The following SOX6 variants were observed in gnomAD, a reference collection of about 807,000 sequenced individuals.
SOX6 encodes SRY-box transcription factor 6.
A neutral mutation model predicts 97.8 loss-of-function variants in SOX6; 11 were observed. The ratio of observed to expected loss-of-function variants is 0.11; its 90% confidence interval spans 0.07 to 0.19. The LOEUF (loss-of-function observed/expected upper bound fraction) is 0.19, where lower values mean the gene tolerates loss of function less well. Among genes scored for constraint, SOX6 ranks in the 10% least tolerant of loss-of-function variants. The pLI, the probability that SOX6 is intolerant of heterozygous loss-of-function variation, is 1.00. For missense variants in SOX6, 810 were observed against 1,039.5 expected, an observed-to-expected ratio of 0.78 and a Z score of 3.04; for synonymous variants, 360 against 371.4, an observed-to-expected ratio of 0.97 and a Z score of 0.35.
intron 3 of SOX6, among the ~76,000 whole-genome samples, chr11:16,634,923 C>T (rs924708816): frequency 1.3e-5 from 2 of 152,042 alleles, no homozygotes; most frequent in Non-Finnish European, 2.9e-5. Flanking sequence ...AGGGTTTTTT[C>T]CCACCCTTCA....
chr11:16,622,396 G>A (rs1383424588), intron 3 of SOX6, among the ~76,000 whole-genome samples: 3 of 152,280 alleles, frequency 2.0e-5, no homozygotes, highest in South Asian at 2.1e-4. Context: ...TGTACCCAAT[G>A]TGTAGTCTTT....
chr11:16,089,689 T>C (rs759241271), intron 9 of SOX6, among the ~76,000 whole-genome samples: 29 of 152,112 alleles, frequency 1.9e-4, no homozygotes, highest in Non-Finnish European at 3.7e-4. Context: ...GTAATAGCTA[T>C]GTGCCAGCTC....
At chr11:16,042,360 T>C (rs1205847489) in intron 12 of SOX6, among the ~76,000 whole-genome samples, 1 of 152,128 alleles carries the variant, frequency 6.6e-6, no homozygotes, top group African/African-American at 2.4e-5. Context: ...ACGGACACCA[T>C]GGCAGGAAAG....
chr11:15,983,271 T>C (rs1396013698), intron 15 of SOX6, among the ~76,000 whole-genome samples: 2 of 152,110 alleles, frequency 1.3e-5, no homozygotes, highest in Non-Finnish European at 2.9e-5. Context: ...TTCTGATACT[T>C]ACTCTGCGAA....
At chr11:16,406,142 C>T (rs944398253) in intron 1 of SOX6, among the ~76,000 whole-genome samples, 2 of 152,046 alleles carry the variant, frequency 1.3e-5, no homozygotes, top group African/African-American at 4.8e-5. Context: ...ACATAATCCA[C>T]TTTAAGTCTC....
At chr11:16,255,609 T>C (rs1198029989) in intron 3 of SOX6, among the ~76,000 whole-genome samples, 2 of 152,000 alleles carry the variant, frequency 1.3e-5, no homozygotes, top group Admixed American at 6.6e-5. Context: ...AAAGCAGTGC[T>C]GAGAGGGAAG....
intron 5 of SOX6, among the ~76,000 whole-genome samples, chr11:16,184,222 A>T: frequency 6.6e-6 from 1 of 152,192 alleles, no homozygotes; most frequent in East Asian, 1.9e-4. Flanking sequence ...GCTGGAAATC[A>T]TGGGATTTTA....
intron 3 of SOX6, among the ~76,000 whole-genome samples, chr11:16,675,577 T>C (rs1847878516): frequency 6.6e-6 from 1 of 152,252 alleles, no homozygotes; most frequent in African/African-American, 2.4e-5. Context: ...GGGTTCAAGT[T>C]ATTGTCTAAT....
chr11:16,420,743 T>C (rs1397512431), intron 1 of SOX6, among the ~76,000 whole-genome samples: 3 of 152,184 alleles, frequency 2.0e-5, no homozygotes, highest in Admixed American at 6.5e-5. Flanking sequence ...ATGAGAAAAG[T>C]CTATTGCTTA....
At chr11:16,284,545 T>C (rs977868996) in intron 3 of SOX6, among the ~76,000 whole-genome samples, 4 of 152,142 alleles carry the variant, frequency 2.6e-5, no homozygotes, top group Non-Finnish European at 1.5e-5. Context: ...CCAACAGATA[T>C]TTATTGATCG....
intron 1 of SOX6, among the ~76,000 whole-genome samples, chr11:16,376,424 A>G (rs1857643874): frequency 6.6e-6 from 1 of 152,108 alleles, no homozygotes; most frequent in African/African-American, 2.4e-5. Context: ...TGATCCTAGA[A>G]TTAGAAAATG....
chr11:16,430,668 G>C (rs1859255735), intron 1 of SOX6, among the ~76,000 whole-genome samples: 1 of 152,086 alleles, frequency 6.6e-6, no homozygotes, highest in Non-Finnish European at 1.5e-5. Flanking sequence ...CCTTAATTTT[G>C]AACTTCCCAG....
intron 1 of SOX6, among the ~76,000 whole-genome samples, chr11:16,363,782 G>T (rs916828475): frequency 6.7e-6 from 1 of 149,302 alleles, no homozygotes; most frequent in Non-Finnish European, 1.5e-5. Context: ...CAAGAAATAA[G>T]ATTTGAATGA....
At chr11:16,125,198 A>G (rs1165397890) in intron 6 of SOX6, among the ~76,000 whole-genome samples, 3 of 152,002 alleles carry the variant, frequency 2.0e-5, no homozygotes, top group Admixed American at 2.0e-4. Context: ...GGATATTATA[A>G]TCTATTTGGA....
chr11:16,642,695 G>T (rs1422770755), intron 3 of SOX6, among the ~76,000 whole-genome samples: 8 of 152,028 alleles, frequency 5.3e-5, no homozygotes. Context: ...CTTTCTTCCA[G>T]TTGATTGAAT....
chr11:16,302,572 T>C (rs564840126), intron 3 of SOX6, among the ~76,000 whole-genome samples: 34 of 138,584 alleles, frequency 2.5e-4, no homozygotes, highest in Admixed American at 8.6e-4. Context: ...TTTTCTTTTT[T>C]TTTTTTTTTT....
At chr11:16,538,722 CAAAG>C (rs1861352816) in intron 4 of SOX6, among the ~76,000 whole-genome samples, 1 of 152,070 alleles carries the variant, frequency 6.6e-6, no homozygotes, top group African/African-American at 2.4e-5. Context: ...TCAAAAGAGA[CAAAG>C]AAGACCATTA....
chr11:16,461,334 T>C (rs76546261), intron 1 of SOX6, among the ~76,000 whole-genome samples: 2,073 of 152,176 alleles, frequency 0.014, 48 homozygotes, highest in African/African-American at 0.048. Context: ...AACCCTCTAA[T>C]CCACTCTACT....
intron 4 of SOX6, among the ~76,000 whole-genome samples, chr11:16,600,111 G>A (rs1241435656): frequency 2.6e-5 from 4 of 152,166 alleles, no homozygotes; most frequent in South Asian, 2.1e-4. Flanking sequence ...AGAGGCAACC[G>A]CCTGCATGAT....
Sources: gnomAD v4.1 joint callset for allele counts (sites outside exome capture counted in the v4.1 genomes callset) on GRCh38, gnomAD v4.1.1 for gene constraint, MANE v1.5 for transcripts, NCBI Gene and HGNC (gene_info 2026-07-23, HGNC 2026-07-21) for gene names.